PDE4D: variants seen among roughly 807,000 people sequenced by gnomAD.
PDE4D encodes 3',5'-cyclic-AMP phosphodiesterase 4D.
In PDE4D, 24 loss-of-function variants were observed where a neutral mutation model predicts 87.4. That is an observed-to-expected ratio of 0.27 (90% CI 0.20 to 0.39). PDE4D has a LOEUF of 0.39. Among genes scored for constraint, PDE4D ranks in the 10% least tolerant of loss-of-function variants. The probability of loss-of-function intolerance (pLI) is 1.00; values close to 1 mark genes in which losing one functional copy is unlikely to be tolerated. For missense variants in PDE4D, 714 were observed against 1,041.0 expected (o/e 0.69, Z 4.32); for synonymous variants, 384 against 383.2 (o/e 1.00, Z -0.02).
chr5:59,256,971 G>A lies in PDE4D; in HGVS notation c.456-41003C>T, dbSNP rs138196509. On this transcript the variant is annotated intron_variant, in intron 1 of 14. Transcript: ENST00000340635. ...TACTGTCAAGTGCAAAATACAAACT[G>A]CAGAACAATGAATGTGCAGATTATG... Among the ~76,000 whole-genome samples, 246 of 152,080 alleles carry A rather than the reference G, an allele frequency of 1.6e-3. 2 individuals carry two copies. The highest frequency in any genetic ancestry group is 5.7e-3 in the African/African-American group (238 of 41,490).
chr5:59,374,280 C>A (rs1784374560), intron 1 of PDE4D, among the ~76,000 whole-genome samples: 1 of 152,036 alleles, frequency 6.6e-6, no homozygotes, highest in South Asian at 2.1e-4. Context: ...CTTCAAGAGA[C>A]CCATCTCACA....
At chr5:59,426,079 G>A (rs377618887) in intron 1 of PDE4D, among the ~76,000 whole-genome samples, 2 of 152,242 alleles carry the variant, frequency 1.3e-5, no homozygotes, top group South Asian at 2.1e-4. Context: ...AGATCCCAGC[G>A]ATGCCTGCGC....
chr5:60,063,486 T>C (rs994652939), intron 2 of PDE4D, among the ~76,000 whole-genome samples: 16 of 152,124 alleles, frequency 1.1e-4, no homozygotes, highest in Non-Finnish European at 2.2e-4. Context: ...ATCTTGCTTC[T>C]AGCCTCAGAG....
chr5:60,185,063 T>C (rs1784675283), intron 2 of PDE4D, among the ~76,000 whole-genome samples: 1 of 152,098 alleles, frequency 6.6e-6, no homozygotes, highest in Non-Finnish European at 1.5e-5. Flanking sequence ...CCTGAGGATG[T>C]TCAATTTAAA....
intron 1 of PDE4D, among the ~76,000 whole-genome samples, chr5:59,603,208 A>G (rs186321382): frequency 3.1e-4 from 47 of 152,188 alleles, no homozygotes; most frequent in African/African-American, 1.1e-3. Flanking sequence ...CAACTGAGTG[A>G]AGAGACAGCC....
Position 58,974,473 on chromosome 5 carries a change from C to T in PDE4D, c.*191G>A, listed in dbSNP as rs1457730554. On this transcript the variant is annotated 3_prime_UTR_variant, in exon 15 of 15. Coordinates refer to ENST00000340635, the MANE Select transcript of PDE4D (RefSeq NM_001104631.2). ...TGTTCGTGAAGATGTCCACCTTGCT[C>T]GGATGACATGGAGGTGAAAAAACTG... 7.0e-6 allele frequency: 3 copies of T among 426,972 alleles called. No individual in the cohort carries two copies. The highest frequency in any genetic ancestry group is 2.0e-5 in the African/African-American group (1 of 50,038). The allele number at this position is 426,972 out of a possible 1,614,324, so 26.4% of individuals were successfully genotyped here.
At chr5:60,217,316 A>T (rs1214064905) in intron 1 of PDE4D, among the ~76,000 whole-genome samples, 1 of 151,978 alleles carries the variant, frequency 6.6e-6, no homozygotes, top group Non-Finnish European at 1.5e-5. Context: ...AAATAAAAAG[A>T]GTTCTGGAGA....
At chr5:60,140,742 A>T (rs556262463) in intron 2 of PDE4D, among the ~76,000 whole-genome samples, 1 of 152,244 alleles carries the variant, frequency 6.6e-6, no homozygotes, top group South Asian at 2.1e-4. Context: ...CCTAGAGGTA[A>T]ACTGTAGAAC....
intron 6 of PDE4D, among the ~76,000 whole-genome samples, chr5:59,000,792 G>A (rs1473598281): frequency 1.3e-5 from 2 of 152,174 alleles, no homozygotes; most frequent in African/African-American, 2.4e-5. Context: ...GGGTTCAAGC[G>A]ATTCTCCTGC....
chr5:59,789,055 G>C (rs1765492872), intron 1 of PDE4D, among the ~76,000 whole-genome samples: 1 of 152,158 alleles, frequency 6.6e-6, no homozygotes, highest in Admixed American at 6.6e-5. Flanking sequence ...GCTTGGTTAG[G>C]ATTTGCCTGA....
At chr5:59,254,212 G>A (rs1473016358) in intron 1 of PDE4D, among the ~76,000 whole-genome samples, 3 of 152,148 alleles carry the variant, frequency 2.0e-5, no homozygotes, top group African/African-American at 7.2e-5. Flanking sequence ...AAGCACTTCA[G>A]ACAGACTGCC....
chr5:60,205,070 C>T (rs960493672), intron 1 of PDE4D, among the ~76,000 whole-genome samples: 4 of 152,280 alleles, frequency 2.6e-5, no homozygotes, highest in African/African-American at 4.8e-5. Context: ...ATCATACTCC[C>T]CCACCTTCCT....
chr5:60,468,511 C>T lies in PDE4D; in HGVS notation c.-90+19431G>A, dbSNP rs77947515. 2.7e-3 allele frequency among the ~76,000 whole-genome samples: 409 copies of T among 152,110 alleles called. 1 individual carries two copies. Among genetic ancestry groups the T allele is most frequent in the African/African-American group, 9.5e-3 (394 of 41,516 alleles). ...ACTTTCTCAACAAACAGCTTCATTG[C>T]CCACTCAACAAAAATTGAGGCAATT... is the stretch of plus-strand genomic sequence containing the variant. On this transcript the variant is annotated intron_variant, in intron 1 of 16. Transcript: ENST00000502484.
chr5:59,165,612 C>T (rs545876682), intron 5 of PDE4D, among the ~76,000 whole-genome samples: 4 of 152,236 alleles, frequency 2.6e-5, no homozygotes, highest in Non-Finnish European at 4.4e-5. Context: ...TTCATGAACT[C>T]CCTATGAGAT....
At chr5:59,046,305 C>T (rs901776642) in intron 5 of PDE4D, among the ~76,000 whole-genome samples, 11 of 151,058 alleles carry the variant, frequency 7.3e-5, no homozygotes, top group South Asian at 2.1e-4. Context: ...CATGAGAGAG[C>T]GAGAGAATGT....
At chr5:60,511,530 TAA>T (rs1174525603) in intron 1 of PDE4D, among the ~76,000 whole-genome samples, 14 of 149,924 alleles carry the variant, frequency 9.3e-5, no homozygotes, top group Admixed American at 6.7e-4. Flanking sequence ...ATAATAATAA[TAA>T]TAATAATAAT....
chr5:59,510,688 T>C (rs1004961220), intron 1 of PDE4D, among the ~76,000 whole-genome samples: 6 of 151,654 alleles, frequency 4.0e-5, no homozygotes, highest in Non-Finnish European at 1.5e-5. Context: ...AGACAGAAGA[T>C]GTAAATGAAA....
chr5:59,656,891 T>C (rs1200057474), intron 1 of PDE4D, among the ~76,000 whole-genome samples: 1 of 152,216 alleles, frequency 6.6e-6, no homozygotes, highest in Non-Finnish European at 1.5e-5. Context: ...ATATTCCTTA[T>C]AGAGATAGCA....
chr5:59,820,829 C>T (rs888013505), intron 1 of PDE4D, among the ~76,000 whole-genome samples: 4 of 152,078 alleles, frequency 2.6e-5, no homozygotes, highest in African/African-American at 9.7e-5. Flanking sequence ...TCTCAGTAAG[C>T]GATAACTACT....
Sources: gnomAD v4.1 joint callset for allele counts (sites outside exome capture counted in the v4.1 genomes callset) on GRCh38, gnomAD v4.1.1 for gene constraint, MANE v1.5 for transcripts, NCBI Gene and HGNC (gene_info 2026-07-23, HGNC 2026-07-21) for gene names.